SPP2: variants seen among roughly 807,000 people sequenced by gnomAD.
The protein encoded by SPP2 is secreted phosphoprotein 2, also known as secreted phosphoprotein 24.
In SPP2, 34 loss-of-function variants were observed where a neutral mutation model predicts 28.8. The ratio of observed to expected loss-of-function variants is 1.18; its 90% CI spans 0.90 to 1.57. SPP2 has a LOEUF of 1.57. Among genes scored for constraint, SPP2 ranks in the 40% most tolerant of loss-of-function variants. SPP2 has a pLI of 0.00. For missense variants in SPP2, 269 were observed against 263.9 expected (o/e 1.02, Z -0.13); for synonymous variants, 96 against 89.4 (o/e 1.07, Z -0.42).
intron 3 of SPP2, among the ~76,000 whole-genome samples, chr2:234,059,806 C>T (rs1693681877): frequency 6.6e-6 from 1 of 152,240 alleles, no homozygotes; most frequent in Non-Finnish European, 1.5e-5. Context: ...TCCACAGACA[C>T]TTAGTCAACA....
rs1693841530 is a variant in SPP2, at chr2:234,067,276, T to G, written c.550+2T>G. On this transcript the variant is annotated splice_donor_variant, in intron 6 of 7. Coordinates refer to ENST00000168148, the MANE Select transcript of SPP2 (RefSeq NM_006944.3). LOFTEE classifies it high-confidence loss of function. Reference sequence around the variant, plus strand: ...AACAATTTTATGATCGGTCACTTGGTAAGTGATTTCTTTCCTGCTGTGCCA... The same window carrying G: ...AACAATTTTATGATCGGTCACTTGGGAAGTGATTTCTTTCCTGCTGTGCCA... 34 of 1,613,782 alleles carry G rather than the reference T, an allele frequency of 2.1e-5. No homozygotes were observed. The highest frequency in any genetic ancestry group is 2.7e-5 in the Non-Finnish European group (32 of 1,179,822).
chr2:234,073,956 C>G (rs1056109737), intron 7 of SPP2, among the ~76,000 whole-genome samples: 1 of 152,200 alleles, frequency 6.6e-6, no homozygotes, highest in Non-Finnish European at 1.5e-5. Flanking sequence ...ATGAATATTA[C>G]AGCTCTCAAG....
chr2:234,064,845 A>G (rs1027639824), intron 4 of SPP2, among the ~76,000 whole-genome samples: 9 of 152,222 alleles, frequency 5.9e-5, no homozygotes, highest in Non-Finnish European at 1.3e-4. Flanking sequence ...TTCACTTAGC[A>G]TAATGTTCTG....
Position 234,055,846 on chromosome 2 carries a change from A to G in SPP2, c.211-2990A>G, listed in dbSNP as rs567671004. Among the ~76,000 whole-genome samples the G allele has an allele frequency of 2.2e-5, 3 of 136,038 alleles. No individual in the cohort carries two copies. In the South Asian group the frequency reaches 8.2e-4, roughly 37 times the overall value. 89.2% of individuals were successfully genotyped at this position (136,038 alleles called of 152,430 possible). A position where few individuals can be genotyped will look rare whatever the true frequency, so the allele number is the denominator to read the frequency against. On this transcript the variant is annotated intron_variant, in intron 2 of 7. Coordinates refer to ENST00000168148, the MANE Select transcript of SPP2 (RefSeq NM_006944.3). ...TAATGCTGGGTTTTTAATTTTCTCC[A>G]GTTGACTTCTTTTTTTTTTTTGGAA... is the stretch of plus-strand genomic sequence containing the variant.
In SPP2 at chr2:234,067,275, G is replaced by T. The variant is rs367801817; in HGVS notation, c.550+1G>T. On this transcript the variant is annotated splice_donor_variant, in intron 6 of 7. Transcript: ENST00000168148. LOFTEE classifies it high-confidence loss of function. ...GAACAATTTTATGATCGGTCACTTG[G>T]TAAGTGATTTCTTTCCTGCTGTGCC... The T allele has an allele frequency of 4.3e-6, 7 of 1,613,782 alleles. No individual in the cohort carries two copies. In the African/African-American group the frequency reaches 8.0e-5, roughly 18 times the overall value.
At chr2:234,072,234 A>T (rs250976) in intron 7 of SPP2, among the ~76,000 whole-genome samples, 67,961 of 152,070 alleles carry the variant, frequency 0.45, 15,504 homozygotes, top group Non-Finnish European at 0.47. Context: ...GAAATTCACC[A>T]TTGAGGCCTT....
intron 7 of SPP2, among the ~76,000 whole-genome samples, chr2:234,075,587 C>T (rs184804795): frequency 2.0e-4 from 30 of 152,250 alleles, no homozygotes; most frequent in South Asian, 8.3e-4. Context: ...CTTCACAGAC[C>T]GGCTTCTTCC....
At chr2:234,057,266 T>G (rs975200358) in intron 2 of SPP2, among the ~76,000 whole-genome samples, 5 of 152,150 alleles carry the variant, frequency 3.3e-5, no homozygotes, top group Non-Finnish European at 5.9e-5. Flanking sequence ...TTCCGTGGGC[T>G]CCAAGACCAT....
chr2:234,062,634 A>T (rs1036139645), intron 4 of SPP2, among the ~76,000 whole-genome samples: 28 of 152,194 alleles, frequency 1.8e-4, no homozygotes, highest in South Asian at 4.1e-4. Flanking sequence ...AAGAATAAAT[A>T]TGGAGTAAAT....
chr2:234,075,275 A>T (rs992955511), intron 7 of SPP2, among the ~76,000 whole-genome samples: 1 of 152,142 alleles, frequency 6.6e-6, no homozygotes, highest in African/African-American at 2.4e-5. Flanking sequence ...ATGAGGATTG[A>T]CTGCTGAGTG....
Position 234,076,951 on chromosome 2 carries a change from T to A in SPP2, c.*117T>A, listed in dbSNP as rs1690909197. ...TTGAATAATTCCCAGGAGTCCTGGG[T>A]CCCTGGCCTCCAAAGCTGGAATGTG... On this transcript the variant is annotated 3_prime_UTR_variant, in exon 8 of 8. Coordinates refer to ENST00000168148, the MANE Select transcript of SPP2 (RefSeq NM_006944.3). The A allele has an allele frequency of 6.6e-6, 1 of 151,996 alleles. No homozygotes were observed. Among genetic ancestry groups the A allele is most frequent in the African/African-American group, 2.4e-5 (1 of 41,342 alleles). The allele number at this position is 151,996 out of a possible 1,614,324, so 9.4% of individuals were successfully genotyped here. A position where few individuals can be genotyped will look rare whatever the true frequency, so the allele number is the denominator to read the frequency against.
At chr2:234,073,497 CTT>C (rs1262269439) in intron 7 of SPP2, among the ~76,000 whole-genome samples, 1 of 152,174 alleles carries the variant, frequency 6.6e-6, no homozygotes, top group Non-Finnish European at 1.5e-5. Context: ...TTCTAGGACT[CTT>C]TCATGTTGCC....
chr2:234,058,915 G>C lies in SPP2; in HGVS notation c.290G>C (p.Gly97Ala), dbSNP rs1282127558. The C allele has an allele frequency of 1.2e-6, 2 of 1,614,026 alleles. No homozygotes were observed. Among genetic ancestry groups the C allele is most frequent in the African/African-American group, 2.7e-5 (2 of 75,036 alleles). The change falls in exon 3 of 8, where the codon GGA becomes GCA. Residue 97 changes from glycine (G) to alanine (A), a missense_variant. Coordinates refer to ENST00000168148, the MANE Select transcript of SPP2 (RefSeq NM_006944.3). ...IRETTCRKDS[G>A]EDPATCAFQR... ...GAGACTACATGCAGGAAGGATTCTG[G>C]AGAAGATCCCGCTACATGTGCCTTC...
chr2:234,065,616 A>T (rs1419760951), intron 4 of SPP2, among the ~76,000 whole-genome samples: 6 of 152,290 alleles, frequency 3.9e-5, no homozygotes, highest in East Asian at 3.9e-4. Flanking sequence ...CTAACGACTA[A>T]TGATTGGCCA....
At chr2:234,064,439 C>T (rs1227108139) in intron 4 of SPP2, among the ~76,000 whole-genome samples, 3 of 152,136 alleles carry the variant, frequency 2.0e-5, no homozygotes, top group African/African-American at 7.2e-5. Context: ...CTCTATTGGC[C>T]TGGCTTAGGT....
At chr2:234,054,747 T>A (rs1301064178) in intron 2 of SPP2, among the ~76,000 whole-genome samples, 1 of 152,170 alleles carries the variant, frequency 6.6e-6, no homozygotes, top group East Asian at 1.9e-4. Context: ...AACAGTCCAT[T>A]GCAATCTTTC....
chr2:234,073,163 C>T (rs1335851518), intron 7 of SPP2, among the ~76,000 whole-genome samples: 1 of 152,222 alleles, frequency 6.6e-6, no homozygotes, highest in Non-Finnish European at 1.5e-5. Context: ...GCTGGGATTA[C>T]AGGCATGAGC....
At chr2:234,053,320 C>G (rs1452731718) in intron 2 of SPP2, among the ~76,000 whole-genome samples, 1 of 152,126 alleles carries the variant, frequency 6.6e-6, no homozygotes, top group Admixed American at 6.5e-5. Flanking sequence ...CATAGTTTCA[C>G]TTCTAAGAAT....
intron 2 of SPP2, among the ~76,000 whole-genome samples, chr2:234,055,463 A>T (rs188308985): frequency 4.7e-4 from 71 of 152,352 alleles, no homozygotes; most frequent in African/African-American, 1.7e-3. Flanking sequence ...TCACAGAAAC[A>T]TTCAGAAAAA....
Sources: allele counts gnomAD v4.1 joint callset (sites outside exome capture counted in the v4.1 genomes callset), GRCh38; gene constraint gnomAD v4.1.1; transcripts MANE v1.5; gene names NCBI Gene and HGNC (gene_info 2026-07-23, HGNC 2026-07-21).